The following MSR1 variants were observed in gnomAD, a reference collection of about 807,000 sequenced individuals.
MSR1 encodes macrophage scavenger receptor 1, also known as macrophage scavenger receptor types I and II.
In MSR1, 53 loss-of-function variants were observed where a neutral mutation model predicts 47.2. The ratio of observed to expected loss-of-function variants is 1.12; its 90% confidence interval spans 0.90 to 1.41. MSR1 has a LOEUF of 1.41. Among genes scored for constraint, MSR1 ranks in the 40% most tolerant of loss-of-function variants. The probability of loss-of-function intolerance (pLI) is 0.00; values close to 1 mark genes in which losing one functional copy is unlikely to be tolerated. For missense variants in MSR1, 786 were observed against 546.9 expected (o/e 1.44, Z -4.36); for synonymous variants, 239 against 185.6 (o/e 1.29, Z -2.34).
At chr8:16,127,985 T>C (rs1393508905) in intron 8 of MSR1, among the ~76,000 whole-genome samples, 1 of 152,150 alleles carries the variant, frequency 6.6e-6, no homozygotes, top group Admixed American at 6.6e-5. Context: ...ATTTTTATTA[T>C]CTCATGAGAC....
At chr8:16,159,993 T>G (rs972989820) in intron 5 of MSR1, among the ~76,000 whole-genome samples, 4 of 151,916 alleles carry the variant, frequency 2.6e-5, no homozygotes, top group Admixed American at 1.3e-4. Context: ...TCAAATTAGT[T>G]GAAATATTTG....
In MSR1 at chr8:16,179,246, T is replaced by C. The variant is rs937094886; in HGVS notation, c.-4-1254A>G. Among the ~76,000 whole-genome samples the C allele has an allele frequency of 1.1e-4, 17 of 152,290 alleles. No homozygotes were observed. In the East Asian group the frequency reaches 3.1e-3, roughly 28 times the overall value. On this transcript the variant is annotated intron_variant, in intron 1 of 9. Coordinates refer to ENST00000262101, the MANE Select transcript of MSR1 (RefSeq NM_138715.3). Reference sequence around the variant, plus strand: ...AAATGTCTGGATCTGAATGATCTGATTTGACTTCTTACAAAAGTCAATTTT... The same window carrying C: ...AAATGTCTGGATCTGAATGATCTGACTTGACTTCTTACAAAAGTCAATTTT...
intron 9 of MSR1, among the ~76,000 whole-genome samples, chr8:16,119,716 T>C (rs895164214): frequency 6.6e-6 from 1 of 151,350 alleles, no homozygotes; most frequent in African/African-American, 2.4e-5. Context: ...TCTGTAAAAA[T>C]TTGTTTTTCA....
At chr8:16,138,760 T>C in intron 8 of MSR1, among the ~76,000 whole-genome samples, 1 of 152,276 alleles carries the variant, frequency 6.6e-6, no homozygotes, top group Non-Finnish European at 1.5e-5. Flanking sequence ...TATCTCTAGA[T>C]GTTTGTGTAA....
At chr8:16,135,378 C>A (rs1468495146) in intron 8 of MSR1, among the ~76,000 whole-genome samples, 2 of 152,096 alleles carry the variant, frequency 1.3e-5, no homozygotes, top group African/African-American at 4.8e-5. Flanking sequence ...AGAAATAGGA[C>A]AATGAGGCCT....
intron 8 of MSR1, chr8:16,120,950 A>G: frequency 2.9e-6 from 1 of 339,636 alleles, no homozygotes; most frequent in Non-Finnish European, 5.5e-6. Context: ...TTGAAAAATT[A>G]TAACTAAATG....
At chr8:16,115,971 G>C (rs1050377412) in intron 9 of MSR1, among the ~76,000 whole-genome samples, 4 of 151,948 alleles carry the variant, frequency 2.6e-5, no homozygotes, top group Admixed American at 6.5e-5. Flanking sequence ...CTAGGTGACA[G>C]AGTAAGACCC....
intron 4 of MSR1, among the ~76,000 whole-genome samples, chr8:16,166,239 C>T (rs1424522760): frequency 2.1e-5 from 3 of 139,770 alleles, no homozygotes; most frequent in African/African-American, 5.4e-5. Context: ...GGCATGATCT[C>T]GGCTCCCTGC....
At chr8:16,120,826 T>C in intron 8 of MSR1, 1 of 593,450 alleles carries the variant, frequency 1.7e-6, no homozygotes, top group South Asian at 2.1e-5. Flanking sequence ...AAGAGCAAAA[T>C]CCAATCTGTC....
intron 8 of MSR1, among the ~76,000 whole-genome samples, chr8:16,134,063 T>C (rs1161437095): frequency 2.0e-5 from 3 of 152,282 alleles, no homozygotes; most frequent in East Asian, 3.9e-4. Context: ...CTTATCCCTT[T>C]GTAAAACTGA....
At chr8:16,188,412 A>G (rs1802064314) in intron 1 of MSR1, among the ~76,000 whole-genome samples, 1 of 152,136 alleles carries the variant, frequency 6.6e-6, no homozygotes, top group Non-Finnish European at 1.5e-5. Flanking sequence ...AGTTCATATC[A>G]TCATGCACGT....
chr8:16,192,350 T>C (rs1802221451), intron 1 of MSR1, among the ~76,000 whole-genome samples: 4 of 152,208 alleles, frequency 2.6e-5, no homozygotes, highest in Admixed American at 6.5e-5. Flanking sequence ...GTGTATTTCA[T>C]ATGTACTTGT....
chr8:16,122,612 A>T (rs573160474), intron 8 of MSR1, among the ~76,000 whole-genome samples: 1 of 152,226 alleles, frequency 6.6e-6, no homozygotes, highest in South Asian at 2.1e-4. Flanking sequence ...CAGCAGAACA[A>T]GCTCCCAACA....
At chr8:16,170,425 T>C (rs895552239) in intron 3 of MSR1, among the ~76,000 whole-genome samples, 1 of 152,168 alleles carries the variant, frequency 6.6e-6, no homozygotes, top group Admixed American at 6.5e-5. Flanking sequence ...TATTCAGTCA[T>C]GGCTGAGGTT....
At chr8:16,134,425 T>C (rs903180471) in intron 8 of MSR1, among the ~76,000 whole-genome samples, 6 of 152,124 alleles carry the variant, frequency 3.9e-5, no homozygotes, top group Non-Finnish European at 7.4e-5. Context: ...TTGAGATTAC[T>C]ACTGTGATTA....
At chr8:16,119,915 T>A (rs78598946) in intron 9 of MSR1, among the ~76,000 whole-genome samples, 2 of 145,690 alleles carry the variant, frequency 1.4e-5, no homozygotes, top group East Asian at 4.2e-4. Flanking sequence ...AGGATCTTAC[T>A]ATGTTGTCCA....
intron 3 of MSR1, among the ~76,000 whole-genome samples, chr8:16,172,258 A>G (rs1022074501): frequency 7.9e-5 from 12 of 152,186 alleles, no homozygotes; most frequent in East Asian, 1.9e-4. Context: ...AGAAGCCCCA[A>G]TGTGACTAAG....
At chr8:16,140,461 T>C in intron 8 of MSR1, 1 of 987,478 alleles carries the variant, frequency 1.0e-6, no homozygotes, top group South Asian at 4.7e-5. Context: ...ATTTACACCC[T>C]AGTTGTAGTC....
At chr8:16,153,157 T>G (rs1357382597) in intron 6 of MSR1, among the ~76,000 whole-genome samples, 1 of 152,024 alleles carries the variant, frequency 6.6e-6, no homozygotes, top group Non-Finnish European at 1.5e-5. Flanking sequence ...AAGCTGAGTT[T>G]AGTAGGCTCA....
Sources: gnomAD v4.1 joint callset for allele counts (sites outside exome capture counted in the v4.1 genomes callset) on GRCh38, gnomAD v4.1.1 for gene constraint, MANE v1.5 for transcripts, NCBI Gene and HGNC (gene_info 2026-07-23, HGNC 2026-07-21) for gene names.